COG5: variants seen among roughly 807,000 people sequenced by gnomAD.
COG5 encodes the protein component of oligomeric golgi complex 5, also known as conserved oligomeric Golgi complex subunit 5.
In COG5, 86 loss-of-function variants were observed where a neutral mutation model predicts 110.4. The observed-to-expected ratio is 0.78, with a 90% CI of 0.65 to 0.93. The LOEUF (loss-of-function observed/expected upper bound fraction) is 0.93, where lower values mean the gene tolerates loss of function less well. COG5 is among the 40% of genes least tolerant of loss of function. The pLI, the probability that COG5 is intolerant of heterozygous loss-of-function variation, is 0.00. For synonymous variants in COG5, 360 were observed against 334.6 expected (o/e 1.08, Z -0.83); for missense variants, 1,077 against 987.0 (o/e 1.09, Z -1.22).
intron 6 of COG5, among the ~76,000 whole-genome samples, chr7:107,479,170 T>G (rs73187383): frequency 0.015 from 2,240 of 152,202 alleles, 25 homozygotes; most frequent in Non-Finnish European, 0.022. Context: ...AAAGGGATCA[T>G]GTTGAATTTA....
At chr7:107,381,232 A>C (rs1420114310) in intron 7 of COG5, among the ~76,000 whole-genome samples, 1 of 152,214 alleles carries the variant, frequency 6.6e-6, no homozygotes. Flanking sequence ...TCCCAAAATC[A>C]AACTTCAGTT....
intron 11 of COG5, among the ~76,000 whole-genome samples, chr7:107,307,813 C>T (rs1807862462): frequency 7.3e-6 from 1 of 136,300 alleles, no homozygotes; most frequent in South Asian, 2.3e-4. Context: ...TGGGTACACC[C>T]ACTGCTTGGG....
intron 12 of COG5, among the ~76,000 whole-genome samples, chr7:107,290,699 AT>A (rs1054404613): frequency 6.6e-6 from 1 of 151,784 alleles, no homozygotes; most frequent in Non-Finnish European, 1.5e-5. Flanking sequence ...TTCTTGGCTC[AT>A]TTTTTTTCCT....
intron 7 of COG5, among the ~76,000 whole-genome samples, chr7:107,406,169 T>C (rs78382852): frequency 0.01 from 1,566 of 152,224 alleles, 12 homozygotes; most frequent in African/African-American, 0.036. Flanking sequence ...CATATGGCCT[T>C]ACAGGGAGAA....
In COG5 at chr7:107,303,636, T is replaced by C. The variant is rs186648467; in HGVS notation, c.1109-5290A>G. ...TTTGTAGAGATGAGGTCTCCCTATG[T>C]TGCTCAAACTCCTAGGCTGGTCTCA... On this transcript the variant is annotated intron_variant, in intron 11 of 21. Coordinates refer to ENST00000297135, the MANE Select transcript of COG5 (RefSeq NM_006348.5). Among the ~76,000 whole-genome samples the C allele has an allele frequency of 6.6e-5, 10 of 152,168 alleles. No individual in the cohort carries two copies. In the East Asian group the frequency reaches 1.4e-3, roughly 21 times the overall value.
chr7:107,293,003 C>T lies in COG5; in HGVS notation c.1313+5139G>A, dbSNP rs1806301511. Among the ~76,000 whole-genome samples the T allele has an allele frequency of 2.0e-5, 3 of 152,244 alleles. No individual in the cohort carries two copies. In the South Asian group the frequency reaches 6.2e-4, roughly 32 times the overall value. ...CTGGTTACAGAAATAAAAAACTCTC[C>T]TCCTCTCCAGTTCTGCATCTTGTTA... On this transcript the variant is annotated intron_variant, in intron 12 of 21. Transcript: ENST00000297135.
chr7:107,362,230 C>T (rs1416667121), intron 9 of COG5, 78 bp downstream of exon 9: 16 of 1,401,596 alleles, frequency 1.1e-5, no homozygotes, highest in East Asian at 4.7e-5. Flanking sequence ...GATTAAAAAA[C>T]CTGCCCAAGG....
chr7:107,474,885 T>A lies in COG5; in HGVS notation c.538+52352A>T. Reference sequence around the variant, plus strand: ...AGGCTACAGACATGTCACAAAGCAGTGGTGGGAGAAATGTAGTCTTTGGTG... The same window carrying A: ...AGGCTACAGACATGTCACAAAGCAGAGGTGGGAGAAATGTAGTCTTTGGTG... On this transcript the variant is annotated intron_variant, in intron 6 of 21. Transcript: ENST00000297135. The surrounding 1 kb of genome is among the most constrained non-coding windows in gnomAD (Gnocchi z 5.7). 1.9e-6 allele frequency: 3 copies of A among 1,613,204 alleles called. No individual in the cohort carries two copies. The highest frequency in any genetic ancestry group is 2.5e-6 in the Non-Finnish European group (3 of 1,179,492).
At chr7:107,517,822 T>C (rs1312687125) in intron 6 of COG5, among the ~76,000 whole-genome samples, 1 of 151,868 alleles carries the variant, frequency 6.6e-6, no homozygotes, top group Non-Finnish European at 1.5e-5. Context: ...CTCAGCCTCC[T>C]GAGTAGCTGG....
chr7:107,353,630 A>C (rs1240744559), intron 10 of COG5, among the ~76,000 whole-genome samples: 1 of 152,178 alleles, frequency 6.6e-6, no homozygotes, highest in African/African-American at 2.4e-5. Flanking sequence ...AATAGCTTTC[A>C]AAAGGCTCTA....
At chr7:107,445,799 T>C (rs1794972387) in intron 6 of COG5, among the ~76,000 whole-genome samples, 1 of 152,244 alleles carries the variant, frequency 6.6e-6, no homozygotes, top group Non-Finnish European at 1.5e-5. Flanking sequence ...TCCATTCTTT[T>C]AACAAATATT....
Position 107,298,263 on chromosome 7 carries a change from GT to G in COG5, c.1191del (p.Gln397HisfsTer47). ...TTCCCTTGGATATGCTGACTGTATT[GT>G]TGAAGACGCTTCCATAAGTCATTAT... The part of the protein sequence containing the change: ...RLYNDLWKRL[Q>X]QYSQHIQGNF... On this transcript the variant is annotated frameshift_variant, in exon 12 of 22. Transcript: ENST00000297135. LOFTEE classifies it high-confidence loss of function. 3.1e-6 allele frequency: 5 copies of G among 1,613,226 alleles called. No homozygotes were observed. Among genetic ancestry groups the G allele is most frequent in the South Asian group, 2.2e-5 (2 of 91,056 alleles).
intron 19 of COG5, among the ~76,000 whole-genome samples, chr7:107,225,273 G>A (rs1394605352): frequency 1.3e-5 from 2 of 152,010 alleles, no homozygotes; most frequent in African/African-American, 4.8e-5. Context: ...CTCTTTATTG[G>A]GTAATGTTTT....
Position 107,563,906 on chromosome 7 carries a change from T to G in COG5, c.-10A>C, listed in dbSNP as rs769498378. On this transcript the variant is annotated 5_prime_UTR_variant, in exon 1 of 22. Transcript: ENST00000297135. ...CGCCGCCACCTTCCATGTTGGCAGG[T>G]GCCGGGTTGATGTCGTCAGCAGCAG... The G allele has an allele frequency of 6.2e-7, 1 of 1,613,594 alleles. No homozygotes were observed. Among genetic ancestry groups the G allele is most frequent in the Non-Finnish European group, 8.5e-7 (1 of 1,179,938 alleles).
chr7:107,474,055 A>G lies in COG5; in HGVS notation c.538+53182T>C. The G allele has an allele frequency of 6.7e-7, 1 of 1,502,746 alleles. No homozygotes were observed. The highest frequency in any genetic ancestry group is 9.0e-7 in the Non-Finnish European group (1 of 1,106,814). 93.1% of individuals were successfully genotyped at this position (1,502,746 alleles called of 1,614,324 possible). A position where few individuals can be genotyped will look rare whatever the true frequency, so the allele number is the denominator to read the frequency against. On this transcript the variant is annotated intron_variant, in intron 6 of 21. Transcript: ENST00000297135. This position sits in a 1 kb window ranked among gnomAD's most constrained non-coding sequence, Gnocchi z 5.7. ...TCTAGGGAAAAAAACCAACTGCTCC[A>G]AAAGAATGTGTTTTTCTCCCATTCT...
At position 107,211,174 on chromosome 7, in the gene COG5, C is replaced by T. The variant is rs779414939; in HGVS notation, c.2220G>A (p.Gly740=). The change falls in exon 20 of 22, where the codon GGG becomes GGA. Residue 740 remains glycine (G), a synonymous_variant. Coordinates refer to ENST00000297135, the MANE Select transcript of COG5 (RefSeq NM_006348.5). ...TAATGATGCTGAACGGAATCACATC[C>T]CCCAATGCAGGACTACTGGCTACAT... is the stretch of plus-strand genomic sequence containing the variant. ...SEHVASSPAL[G]DVIPFSIIIQ... The T allele has an allele frequency of 6.2e-7, 1 of 1,613,984 alleles. No individual in the cohort carries two copies. The highest frequency in any genetic ancestry group is 1.1e-5 in the South Asian group (1 of 91,068).
At chr7:107,389,103 T>C (rs1790432088) in intron 7 of COG5, among the ~76,000 whole-genome samples, 1 of 152,216 alleles carries the variant, frequency 6.6e-6, no homozygotes, top group Non-Finnish European at 1.5e-5. Flanking sequence ...CTACACTCTA[T>C]TGGGCTCATA....
intron 10 of COG5, among the ~76,000 whole-genome samples, chr7:107,339,539 C>T (rs1811009007): frequency 6.6e-6 from 1 of 152,030 alleles, no homozygotes; most frequent in Non-Finnish European, 1.5e-5. Flanking sequence ...TAGATATCTA[C>T]AGGATACTCC....
intron 21 of COG5, among the ~76,000 whole-genome samples, chr7:107,204,971 G>A (rs555929388): frequency 1.3e-5 from 2 of 152,180 alleles, no homozygotes; most frequent in East Asian, 1.9e-4. Flanking sequence ...CTCCTACACC[G>A]AAACAATTAC....
Sources: allele counts gnomAD v4.1 joint callset (sites outside exome capture counted in the v4.1 genomes callset), GRCh38; gene constraint gnomAD v4.1.1; non-coding constraint Gnocchi (gnomAD v3.1); transcripts MANE v1.5; gene names NCBI Gene and HGNC (gene_info 2026-07-23, HGNC 2026-07-21).